The following PHEX variants were observed in gnomAD, a reference collection of about 807,000 sequenced individuals.
The protein encoded by PHEX is phosphate-regulating neutral endopeptidase PHEX.
A neutral mutation model predicts 68.0 loss-of-function variants in PHEX; 16 were observed. The ratio of observed to expected loss-of-function variants is 0.24; its 90% CI spans 0.16 to 0.36. PHEX has a LOEUF of 0.36. Among genes scored for constraint, PHEX ranks in the 10% least tolerant of loss-of-function variants. PHEX has a pLI of 1.00. For synonymous variants in PHEX, 208 were observed against 205.1 expected, an observed-to-expected ratio of 1.01 and a Z score of -0.12; for missense variants, 480 against 575.5, an observed-to-expected ratio of 0.83 and a Z score of 1.70.
At chrX:22,183,729 A>G (rs1933948197) in intron 14 of PHEX, among the ~76,000 whole-genome samples, 1 of 110,964 alleles carries the variant, frequency 9.0e-6, no homozygotes, top group African/African-American at 3.3e-5. Context: ...AAAAAAAAAA[A>G]TCTGTGGAAA....
In PHEX at chrX:22,048,520, A is replaced by G. The variant is rs1024046241; in HGVS notation, c.349+1309A>G. 2.7e-5 allele frequency among the ~76,000 whole-genome samples: 3 copies of G among 111,677 alleles called. No homozygotes were observed. The Admixed American group carries it at 2.9e-4, about 11-fold the overall frequency. On this transcript the variant is annotated intron_variant, in intron 3 of 21. Coordinates refer to ENST00000379374, the MANE Select transcript of PHEX (RefSeq NM_000444.6). The stretch of plus-strand genomic sequence containing the variant: ...CGCGCGCACAGTCATGCATACAGAA[A>G]CATTACTGAAAGATAAGAAAACTAC...
At chrX:22,145,475 G>A (rs1932653928) in intron 12 of PHEX, among the ~76,000 whole-genome samples, 1 of 111,282 alleles carries the variant, frequency 9.0e-6, no homozygotes, top group African/African-American at 3.3e-5. Context: ...AATTAGCCAG[G>A]CATGGTGTCA....
At chrX:22,129,886 A>G (rs1447087255) in intron 11 of PHEX, among the ~76,000 whole-genome samples, 3 of 111,650 alleles carry the variant, frequency 2.7e-5, no homozygotes, top group African/African-American at 9.8e-5. Context: ...TTTCTCCTTC[A>G]TAGACAAACT....
intron 12 of PHEX, among the ~76,000 whole-genome samples, chrX:22,160,770 T>C (rs1448389017): frequency 1.8e-5 from 2 of 110,811 alleles, no homozygotes; most frequent in African/African-American, 6.6e-5. Flanking sequence ...CCAAAACATA[T>C]CAGTAAGTAT....
intron 11 of PHEX, among the ~76,000 whole-genome samples, chrX:22,124,972 C>T (rs1931652497): frequency 8.9e-6 from 1 of 112,048 alleles, no homozygotes; most frequent in Non-Finnish European, 1.9e-5. Flanking sequence ...CTTAGTTCTT[C>T]TGGTTTAACC....
At position 22,249,448 on chromosome X, in the gene PHEX, AAAAAAAAATATAT is replaced by A. The variant is rs1204035390; in HGVS notation, c.*1497_*1509del. 4 of 39,036 alleles carry A rather than the reference AAAAAAAAATATAT, an allele frequency of 1.0e-4. No individual in the cohort carries two copies. Among genetic ancestry groups the A allele is most frequent in the African/African-American group, 4.8e-4 (4 of 8,252 alleles). The allele number at this position is 39,036 out of a possible 1,213,427, so 3.2% of individuals were successfully genotyped here. On this transcript the variant is annotated 3_prime_UTR_variant, in exon 22 of 22. Coordinates refer to ENST00000379374, the MANE Select transcript of PHEX (RefSeq NM_000444.6). The stretch of plus-strand genomic sequence containing the variant: ...CTGTGATTTGTGATTCTTTTAAAAA[AAAAAAAAATATAT>A]ATATATATATATATATATATATATA...
intron 20 of PHEX, among the ~76,000 whole-genome samples, chrX:22,232,596 CTTT>C (rs745474280): frequency 4.9e-4 from 9 of 18,548 alleles, no homozygotes; most frequent in South Asian, 2.8e-3. Context: ...GCCACTTCTG[CTTT>C]TTTTTTTTTT....
At chrX:22,231,037 A>G (rs1935716189) in intron 20 of PHEX, among the ~76,000 whole-genome samples, 1 of 112,090 alleles carries the variant, frequency 8.9e-6, no homozygotes, top group African/African-American at 3.3e-5. Context: ...TGAGATAATC[A>G]TGTGGTTTTT....
chrX:22,091,864 C>G (rs147437785), intron 6 of PHEX, among the ~76,000 whole-genome samples: 4 of 112,070 alleles, frequency 3.6e-5, no homozygotes, highest in African/African-American at 1.3e-4. Context: ...AGCAAAGTCA[C>G]GTCTTACATG....
Position 22,180,579 on chromosome X carries a change from A to G in PHEX, c.1586+2203A>G, listed in dbSNP as rs183876226. ...ATAAAATGTGTAATAATCACATCAG[A>G]GTAAATGGGGTATCCATAGCCTCAA... On this transcript the variant is annotated intron_variant, in intron 14 of 21. Coordinates refer to ENST00000379374, the MANE Select transcript of PHEX (RefSeq NM_000444.6). Among the ~76,000 whole-genome samples the G allele has an allele frequency of 3.5e-3, 390 of 112,064 alleles. 1 individual carries two copies. Among genetic ancestry groups the G allele is most frequent in the Non-Finnish European group, 6.1e-3 (327 of 53,204 alleles).
In PHEX at chrX:22,237,778, C is replaced by T. The variant is rs1030248053; in HGVS notation, c.2071-7555C>T. On this transcript the variant is annotated intron_variant, in intron 20 of 21. Transcript: ENST00000379374. ...TTTCCCCTCAAACATGTCTTTGTTC[C>T]CATTTCCCCCTCCACTTAGAATATT... Among the ~76,000 whole-genome samples the T allele has an allele frequency of 3.6e-5, 4 of 112,184 alleles. No individual in the cohort carries two copies. In the South Asian group the frequency reaches 1.5e-3, roughly 41 times the overall value.
chrX:22,142,818 A>G (rs919601990), intron 12 of PHEX, among the ~76,000 whole-genome samples: 14 of 112,779 alleles, frequency 1.2e-4, no homozygotes, highest in African/African-American at 4.2e-4. Flanking sequence ...GATATCATCC[A>G]GTTATACTGT....
In PHEX at chrX:22,167,399, T is replaced by A. The variant is rs190623574; in HGVS notation, c.1405-913T>A. Among the ~76,000 whole-genome samples the A allele has an allele frequency of 6.6e-4, 74 of 111,368 alleles. 1 individual carries two copies. Among genetic ancestry groups the A allele is most frequent in the Middle Eastern group, 9.2e-3 (2 of 217 alleles). ...TTTTTATTTCCCTGATGAGTAATGA[T>A]GTGGATCATTAAAAAAATCTGTTGA... On this transcript the variant is annotated intron_variant, in intron 12 of 21. Coordinates refer to ENST00000379374, the MANE Select transcript of PHEX (RefSeq NM_000444.6).
intron 12 of PHEX, among the ~76,000 whole-genome samples, chrX:22,161,353 G>A (rs1298686789): frequency 1.8e-5 from 2 of 112,099 alleles, no homozygotes; most frequent in South Asian, 3.7e-4. Context: ...TTGAACCTGG[G>A]ACATGGAGGT....
chrX:22,224,139 C>T (rs983175782), intron 18 of PHEX, among the ~76,000 whole-genome samples: 1 of 111,381 alleles, frequency 9.0e-6, no homozygotes, highest in African/African-American at 3.3e-5. Flanking sequence ...CCAGCCACCA[C>T]GCCTGGCTGA....
chrX:22,052,292 A>G (rs1353993797), intron 3 of PHEX, among the ~76,000 whole-genome samples: 1 of 112,552 alleles, frequency 8.9e-6, no homozygotes, highest in Non-Finnish European at 1.9e-5. Flanking sequence ...CAGTAGCACG[A>G]TTTCAGCTCA....
At chrX:22,209,169 G>A (rs1295602908) in intron 15 of PHEX, among the ~76,000 whole-genome samples, 1 of 111,114 alleles carries the variant, frequency 9.0e-6, no homozygotes, top group Non-Finnish European at 1.9e-5. Flanking sequence ...TGCCGCACGT[G>A]GTGAACTGAG....
At chrX:22,175,745 G>T (rs900146144) in intron 13 of PHEX, among the ~76,000 whole-genome samples, 3 of 110,969 alleles carry the variant, frequency 2.7e-5, no homozygotes, top group African/African-American at 9.8e-5. Context: ...AGTAATGAAA[G>T]TATCACAATT....
intron 12 of PHEX, among the ~76,000 whole-genome samples, chrX:22,159,475 G>A (rs940716571): frequency 1.4e-4 from 15 of 110,624 alleles, no homozygotes; most frequent in African/African-American, 5.0e-4. Flanking sequence ...GTGAGACCTC[G>A]TTCTCCACAA....
Sources: gnomAD v4.1 joint callset for allele counts (sites outside exome capture counted in the v4.1 genomes callset) on GRCh38, gnomAD v4.1.1 for gene constraint, MANE v1.5 for transcripts, NCBI Gene and HGNC (gene_info 2026-07-23, HGNC 2026-07-21) for gene names.